Variants in DYNLT2 observed in about 807,000 individuals in gnomAD.
DYNLT2 encodes the protein dynein light chain Tctex-type protein 2.
Under a neutral mutation model 24.3 loss-of-function variants are expected in DYNLT2, and 24 were observed. The observed-to-expected ratio is 0.99, with a 90% CI of 0.71 to 1.39. The LOEUF is 1.39. DYNLT2 is among the 40% of genes most tolerant of loss of function. DYNLT2 has a pLI of 0.00. For missense variants in DYNLT2, 246 were observed against 234.5 expected, an observed-to-expected ratio of 1.05 and a Z score of -0.32; for synonymous variants, 85 against 85.4, an observed-to-expected ratio of 1.00 and a Z score of 0.03.
the DYNLT2 span, among the ~76,000 whole-genome samples, chr6:169,730,144 A>G: frequency 2.0e-5 from 3 of 152,204 alleles, no homozygotes; most frequent in African/African-American, 7.2e-5. Context: ...ATTTGCTTGA[A>G]TATTCTGAAA....
At chr6:169,745,264 T>TTTG (rs939945674) in intron 1 of DYNLT2, among the ~76,000 whole-genome samples, 2 of 151,916 alleles carry the variant, frequency 1.3e-5, no homozygotes, top group African/African-American at 4.8e-5. Flanking sequence ...AACTAATTTT[T>TTTG]TTGTTGTTGT....
intron 1 of DYNLT2, among the ~76,000 whole-genome samples, chr6:169,747,889 C>T (rs1429028611): frequency 6.6e-6 from 1 of 152,082 alleles, no homozygotes. Flanking sequence ...TTTTTGTATT[C>T]CTAAGACTCT....
chr6:169,751,308 G>C (rs766232192), intron 1 of DYNLT2, 31 bp downstream of exon 1: 1 of 1,603,406 alleles, frequency 6.2e-7, no homozygotes. Context: ...GGACATAGCC[G>C]TCTCGGGCCC....
At chr6:169,751,194 G>C in intron 1 of DYNLT2, 145 bp downstream of exon 1, 2 of 1,284,954 alleles carry the variant, frequency 1.6e-6, no homozygotes, top group Non-Finnish European at 2.1e-6. Context: ...CTTCAATTTC[G>C]CATCTGGGGA....
At chr6:169,728,318 G>A in the DYNLT2 span, among the ~76,000 whole-genome samples, 2 of 152,218 alleles carry the variant, frequency 1.3e-5, no homozygotes, top group African/African-American at 4.8e-5. Context: ...GAGAATGGCT[G>A]TCTTCGGGGT....
chr6:169,742,456 A>G (rs369942743), intron 3 of DYNLT2, among the ~76,000 whole-genome samples: 120 of 152,236 alleles, frequency 7.9e-4, no homozygotes, highest in African/African-American at 2.8e-3. Flanking sequence ...TCATTCCTTG[A>G]TTTTCCTTAG....
At chr6:169,726,084 A>G in the DYNLT2 span, among the ~76,000 whole-genome samples, 2 of 152,224 alleles carry the variant, frequency 1.3e-5, no homozygotes, top group African/African-American at 4.8e-5. Context: ...TAAATTTGTC[A>G]TGTTTGGCAA....
At chr6:169,727,646 C>T in the DYNLT2 span, among the ~76,000 whole-genome samples, 1 of 152,048 alleles carries the variant, frequency 6.6e-6, no homozygotes, top group African/African-American at 2.4e-5. Flanking sequence ...TCACTGCAAG[C>T]TCCACCTCCT....
At chr6:169,731,775 A>C in the DYNLT2 span, among the ~76,000 whole-genome samples, 6 of 152,356 alleles carry the variant, frequency 3.9e-5, no homozygotes, top group Admixed American at 1.3e-4. Context: ...AAAAATTAAA[A>C]TCTATAGAAT....
intron 1 of DYNLT2, among the ~76,000 whole-genome samples, chr6:169,747,211 T>C (rs989295522): frequency 6.6e-6 from 1 of 152,028 alleles, no homozygotes; most frequent in Non-Finnish European, 1.5e-5. Flanking sequence ...GTGTGTAACG[T>C]TCCTTTGTTC....
downstream of DYNLT2, among the ~76,000 whole-genome samples, chr6:169,735,715 T>C (rs1023630104): frequency 6.6e-6 from 1 of 152,212 alleles, no homozygotes; most frequent in Admixed American, 6.5e-5. Context: ...ATATGGTTGA[T>C]TTTAGCATAA....
At chr6:169,743,877 G>A (rs1047772536) in intron 2 of DYNLT2, among the ~76,000 whole-genome samples, 191 bp downstream of exon 2, 3 of 152,186 alleles carry the variant, frequency 2.0e-5, no homozygotes, top group African/African-American at 7.2e-5. Context: ...AGCAGAACTG[G>A]ACACCTAGCA....
chr6:169,738,531 G>GGGGGTTCCCCTT (rs1789607923), downstream of DYNLT2, among the ~76,000 whole-genome samples: 1 of 152,150 alleles, frequency 6.6e-6, no homozygotes, highest in Admixed American at 6.5e-5. Flanking sequence ...CTTGGGGGAA[G>GGGGGTTCCCCTT]GGGGTTCCCC....
At chr6:169,740,756 C>A (rs190760355) in intron 3 of DYNLT2, among the ~76,000 whole-genome samples, 1 of 152,008 alleles carries the variant, frequency 6.6e-6, no homozygotes, top group African/African-American at 2.4e-5. Flanking sequence ...TGTACAAACC[C>A]ATATGTGATC....
rs369282405 is a variant in DYNLT2 at position 169,743,060 on chromosome 6, T to G, written c.486+20A>C. On this transcript the variant is annotated intron_variant, in intron 3 of 3. Transcript: ENST00000366774. ...CCTTATAGTTCTAATTGCTAGATCC[T>G]GTATCAATGGGGTACTTACATTTAT... 163 of 1,497,606 alleles carry G rather than the reference T, an allele frequency of 1.1e-4. 1 individual carries two copies. Among genetic ancestry groups the G allele is most frequent in the Non-Finnish European group, 1.4e-4 (158 of 1,110,046 alleles). 92.8% of individuals were successfully genotyped at this position (1,497,606 alleles called of 1,614,324 possible).
intron 1 of DYNLT2, 76 bp from the exon 2 acceptor site, chr6:169,744,350 A>G (rs2128335941): frequency 7.7e-7 from 1 of 1,293,954 alleles, no homozygotes. Flanking sequence ...TTTTCAGATT[A>G]AATAAGCCTG....
chr6:169,730,218 C>T, the DYNLT2 span, among the ~76,000 whole-genome samples: 14 of 152,014 alleles, frequency 9.2e-5, no homozygotes, highest in African/African-American at 3.1e-4. Flanking sequence ...TTGGATGGCT[C>T]ATCTATGTGG....
At chr6:169,730,617 G>A in the DYNLT2 span, among the ~76,000 whole-genome samples, 1 of 152,176 alleles carries the variant, frequency 6.6e-6, no homozygotes, top group East Asian at 1.9e-4. Context: ...AGTTCCGGCC[G>A]GGCGCGGTGG....
At chr6:169,740,003 A>C, downstream of DYNLT2, 1 of 546,316 alleles carries the variant, frequency 1.8e-6, no homozygotes, top group Non-Finnish European at 3.2e-6. Flanking sequence ...GTTAGTTAAT[A>C]TAACAGTAAG....
Sources: allele counts gnomAD v4.1 joint callset (sites outside exome capture counted in the v4.1 genomes callset), GRCh38; gene constraint gnomAD v4.1.1; transcripts MANE v1.5; gene names NCBI Gene and HGNC (gene_info 2026-07-23, HGNC 2026-07-21).